The following LPGAT1 variants were observed in gnomAD, a reference collection of about 807,000 sequenced individuals.
LPGAT1 encodes the protein lysophosphatidylglycerol acyltransferase 1.
In LPGAT1, 11 loss-of-function variants were observed where a neutral mutation model predicts 47.5. That is an observed-to-expected ratio of 0.23 (90% confidence interval 0.15 to 0.38). LPGAT1 has a LOEUF of 0.38. LPGAT1 is among the 10% of genes least tolerant of loss of function. The pLI is 1.00. For missense variants in LPGAT1, 293 were observed against 439.0 expected (o/e 0.67, Z 2.97); for synonymous variants, 138 against 144.2 (o/e 0.96, Z 0.31).
At chr1:211,751,509 ACT>A (rs1276551919) in intron 6 of LPGAT1, among the ~76,000 whole-genome samples, 6 of 152,060 alleles carry the variant, frequency 3.9e-5, no homozygotes, top group Admixed American at 6.6e-5. Flanking sequence ...AAGCACAGAG[ACT>A]CTGCCCAAAT....
Position 211,747,396 on chromosome 1 carries a change from T to A in LPGAT1, c.*2503A>T, listed in dbSNP as rs1409406583. The A allele has an allele frequency of 6.6e-6, 1 of 152,226 alleles. No individual in the cohort carries two copies. The highest frequency in any genetic ancestry group is 1.5e-5 in the Non-Finnish European group (1 of 68,040). The allele number at this position is 152,226 out of a possible 1,614,324, so 9.4% of individuals were successfully genotyped here. Reference sequence around the variant, plus strand: ...TAACTCACATATCTATTGGCATTTGTCACCCTGGAGACTGTGAAAATGACA... The same window carrying A: ...TAACTCACATATCTATTGGCATTTGACACCCTGGAGACTGTGAAAATGACA... On this transcript the variant is annotated 3_prime_UTR_variant, in exon 8 of 8. Coordinates refer to ENST00000366997, the MANE Select transcript of LPGAT1 (RefSeq NM_014873.3).
At chr1:211,805,512 A>T (rs1325795671) in intron 2 of LPGAT1, among the ~76,000 whole-genome samples, 1 of 152,232 alleles carries the variant, frequency 6.6e-6, no homozygotes, top group Non-Finnish European at 1.5e-5. Context: ...GTCAGGGACC[A>T]TCTGTACTAT....
rs190998721 is a variant in LPGAT1, at chr1:211,791,689, G to C, written c.357+1383C>G. Among the ~76,000 whole-genome samples, 617 of 144,458 alleles carry C rather than the reference G, an allele frequency of 4.3e-3. 8 individuals are homozygous for C. The highest frequency in any genetic ancestry group is 5.9e-3 in the Non-Finnish European group (396 of 67,140). 94.8% of individuals were successfully genotyped at this position (144,458 alleles called of 152,430 possible). ...TTGAACCCAGGAGGCAGAGGTTGCAGCAAGCCAAGATTGTGCCACTGCACT... is the reference window on the plus strand; with the variant it reads ...TTGAACCCAGGAGGCAGAGGTTGCACCAAGCCAAGATTGTGCCACTGCACT... On this transcript the variant is annotated intron_variant, in intron 3 of 7. Coordinates refer to ENST00000366997, the MANE Select transcript of LPGAT1 (RefSeq NM_014873.3).
intron 2 of LPGAT1, among the ~76,000 whole-genome samples, chr1:211,810,141 C>T (rs1659914604): frequency 6.6e-6 from 1 of 152,072 alleles, no homozygotes; most frequent in African/African-American, 2.4e-5. Context: ...AAGAAAAACA[C>T]AGATGGTAAA....
intron 4 of LPGAT1, among the ~76,000 whole-genome samples, chr1:211,786,027 AC>A (rs1658865323): frequency 2.0e-5 from 3 of 152,238 alleles, no homozygotes; most frequent in South Asian, 4.1e-4. Flanking sequence ...GATCCCTGAG[AC>A]TGCTAAGCTT....
intron 5 of LPGAT1, among the ~76,000 whole-genome samples, chr1:211,781,284 C>T (rs755204591): frequency 6.6e-5 from 10 of 152,156 alleles, no homozygotes; most frequent in Non-Finnish European, 1.3e-4. Flanking sequence ...TTTTTCTTCA[C>T]TATTATGCAG....
intron 4 of LPGAT1, among the ~76,000 whole-genome samples, chr1:211,786,744 C>CATT (rs1254131138): frequency 6.6e-6 from 1 of 152,050 alleles, no homozygotes; most frequent in African/African-American, 2.4e-5. Context: ...AAACATCTCC[C>CATT]ATTATTATTA....
At chr1:211,767,640 G>A (rs1657973453) in intron 6 of LPGAT1, among the ~76,000 whole-genome samples, 1 of 152,134 alleles carries the variant, frequency 6.6e-6, no homozygotes, top group Non-Finnish European at 1.5e-5. Context: ...CTCTAGGGAA[G>A]AGCAGGATAT....
intron 2 of LPGAT1, among the ~76,000 whole-genome samples, chr1:211,815,867 C>T (rs1660155399): frequency 6.6e-6 from 1 of 151,110 alleles, no homozygotes; most frequent in Non-Finnish European, 1.5e-5. Context: ...CAAGTTCCGC[C>T]TCCCATGTTC....
chr1:211,778,866 T>C, intron 6 of LPGAT1, 52 bp downstream of exon 6: 7 of 1,389,304 alleles, frequency 5.0e-6, no homozygotes, highest in South Asian at 1.6e-5. Context: ...ATTCATACTA[T>C]TCTGAGGTAG....
Position 211,830,202 on chromosome 1 carries a change from G to T in LPGAT1, c.-28+371C>A. On this transcript the variant is annotated intron_variant, in intron 1 of 7. Coordinates refer to ENST00000366997, the MANE Select transcript of LPGAT1 (RefSeq NM_014873.3). The surrounding 1 kb of genome is among the most constrained non-coding windows in gnomAD (Gnocchi z 5.9). ...GCTCACCTCGGCGGGCGCGGACGGC[G>T]GGCGGCTGCGGAGAGCGGGGGCGGG... 1 of 983,236 alleles carries T rather than the reference G, an allele frequency of 1.0e-6. No individual in the cohort carries two copies. Among genetic ancestry groups the T allele is most frequent in the Non-Finnish European group, 1.2e-6 (1 of 829,284 alleles). The allele number at this position is 983,236 out of a possible 1,614,324, so 60.9% of individuals were successfully genotyped here. A position where few individuals can be genotyped will look rare whatever the true frequency, so the allele number is the denominator to read the frequency against.
At position 211,744,352 on chromosome 1, in the gene LPGAT1, A is replaced by G. The variant is rs763351000; in HGVS notation, c.*5547T>C. The G allele has an allele frequency of 6.6e-6, 1 of 152,244 alleles. No homozygotes were observed. The highest frequency in any genetic ancestry group is 1.5e-5 in the Non-Finnish European group (1 of 68,030). 9.4% of individuals were successfully genotyped at this position (152,244 alleles called of 1,614,324 possible). A position where few individuals can be genotyped will look rare whatever the true frequency, so the allele number is the denominator to read the frequency against. ...ATTGAATCATATAAATTTACAATTAATGTTAAAGCTAAAAGTGGTTTCGGC... is the reference window on the plus strand; with the variant it reads ...ATTGAATCATATAAATTTACAATTAGTGTTAAAGCTAAAAGTGGTTTCGGC... On this transcript the variant is annotated 3_prime_UTR_variant, in exon 8 of 8. Coordinates refer to ENST00000366997, the MANE Select transcript of LPGAT1 (RefSeq NM_014873.3).
chr1:211,770,766 T>C (rs1416342146), intron 6 of LPGAT1, among the ~76,000 whole-genome samples: 2 of 152,212 alleles, frequency 1.3e-5, no homozygotes, highest in South Asian at 2.1e-4. Flanking sequence ...CTCCCAGTCC[T>C]ACTAGCTCCA....
intron 6 of LPGAT1, among the ~76,000 whole-genome samples, chr1:211,757,136 A>G (rs1657495379): frequency 6.6e-6 from 1 of 151,990 alleles, no homozygotes. Context: ...AGGTGCCTGT[A>G]ATCCTAGCTA....
intron 6 of LPGAT1, among the ~76,000 whole-genome samples, chr1:211,768,439 G>A (rs61828462): frequency 0.044 from 6,688 of 152,262 alleles, 205 homozygotes; most frequent in Admixed American, 0.095. Context: ...CAACAGTTGA[G>A]CTCTAACCAC....
chr1:211,797,411 C>A (rs149152049), intron 2 of LPGAT1, among the ~76,000 whole-genome samples: 1,716 of 150,888 alleles, frequency 0.011, 14 homozygotes, highest in Non-Finnish European at 0.018. Flanking sequence ...AGCCACCACA[C>A]CCAGTTTGGA....
At chr1:211,810,711 C>T (rs1019247067) in intron 2 of LPGAT1, among the ~76,000 whole-genome samples, 5 of 151,714 alleles carry the variant, frequency 3.3e-5, no homozygotes, top group South Asian at 4.1e-4. Flanking sequence ...AAAATATGTA[C>T]GTACCACAGA....
At chr1:211,750,371 A>G (rs1353757311) in intron 7 of LPGAT1, among the ~76,000 whole-genome samples, 2 of 152,092 alleles carry the variant, frequency 1.3e-5, no homozygotes, top group African/African-American at 4.8e-5. Context: ...ACTTTTTCCA[A>G]TTGGTCATGA....
At position 211,830,425 on chromosome 1, in the gene LPGAT1, C is replaced by A; in HGVS notation, c.-28+148G>T. On this transcript the variant is annotated intron_variant, in intron 1 of 7. Transcript: ENST00000366997. The surrounding 1 kb of genome is among the most constrained non-coding windows in gnomAD (Gnocchi z 5.9). Reference sequence around the variant, plus strand: ...CGGATGCCCCGCGCCCCCGCCTCCTCCCCGGGGCCTACCGCGCCCTCGTCC... The same window carrying A: ...CGGATGCCCCGCGCCCCCGCCTCCTACCCGGGGCCTACCGCGCCCTCGTCC... 8.5e-7 allele frequency: 1 copy of A among 1,174,624 alleles called. No individual in the cohort carries two copies. The highest frequency in any genetic ancestry group is 4.5e-5 in the Admixed American group (1 of 22,062). 72.8% of individuals were successfully genotyped at this position (1,174,624 alleles called of 1,614,324 possible). A position where few individuals can be genotyped will look rare whatever the true frequency, so the allele number is the denominator to read the frequency against.
Sources: gnomAD v4.1 joint callset for allele counts (sites outside exome capture counted in the v4.1 genomes callset) on GRCh38, gnomAD v4.1.1 for gene constraint, Gnocchi (gnomAD v3.1) non-coding constraint, MANE v1.5 for transcripts, NCBI Gene and HGNC (gene_info 2026-07-23, HGNC 2026-07-21) for gene names.